Variants in STAT5A observed in about 807,000 individuals in gnomAD.
STAT5A encodes epididymis secretory sperm binding protein.
STAT5A carries 26 observed loss-of-function variants against 100.2 expected under a neutral mutation model. The ratio of observed to expected loss-of-function variants is 0.26; its 90% CI spans 0.19 to 0.36. The LOEUF is 0.36. Ranked by LOEUF, STAT5A falls within the 10% of genes least tolerant of loss-of-function variation. The pLI is 1.00. For missense variants in STAT5A, 634 were observed against 1,027.5 expected (o/e 0.62, Z 5.24); for synonymous variants, 330 against 424.3 (o/e 0.78, Z 2.73).
intron 3 of STAT5A, among the ~76,000 whole-genome samples, chr17:42,290,704 ACCTTGGCATCAGATGC>A (rs980159519): frequency 6.6e-6 from 1 of 152,158 alleles, no homozygotes; most frequent in Non-Finnish European, 1.5e-5. Flanking sequence ...AAGTACCTTG[ACCTTGGCATCAGATGC>A]CCTGAGTCTG....
chr17:42,311,617 A>C lies in STAT5A; in HGVS notation c.*948A>C, dbSNP rs1017873051. 1 of 152,666 alleles carries C rather than the reference A, an allele frequency of 6.6e-6. No individual in the cohort carries two copies. Among genetic ancestry groups the C allele is most frequent in the Non-Finnish European group, 1.5e-5 (1 of 68,298 alleles). The allele number at this position is 152,666 out of a possible 1,614,324, so 9.5% of individuals were successfully genotyped here. A position where few individuals can be genotyped will look rare whatever the true frequency, so the allele number is the denominator to read the frequency against. Reference sequence around the variant, plus strand: ...TGCAGTGAAAGACAAGCTGCAAATCAGCCATGTGCTGCGTGCCTGTGGAAT... The same window carrying C: ...TGCAGTGAAAGACAAGCTGCAAATCCGCCATGTGCTGCGTGCCTGTGGAAT... On this transcript the variant is annotated 3_prime_UTR_variant, in exon 19 of 19. Transcript: ENST00000590949.
intron 13 of STAT5A, among the ~76,000 whole-genome samples, chr17:42,306,748 C>A (rs966378796): frequency 1.3e-4 from 19 of 151,572 alleles, no homozygotes; most frequent in African/African-American, 4.1e-4. Flanking sequence ...GAGACAGAAT[C>A]TCATTCTGTC....
At chr17:42,306,908 T>G (rs1382745542) in intron 13 of STAT5A, among the ~76,000 whole-genome samples, 1 of 151,968 alleles carries the variant, frequency 6.6e-6, no homozygotes, top group South Asian at 2.1e-4. Flanking sequence ...TTAGTAGAGA[T>G]GGGGTTTCAC....
chr17:42,302,760 CCT>C (rs1392586755), intron 9 of STAT5A, among the ~76,000 whole-genome samples: 1 of 151,774 alleles, frequency 6.6e-6, no homozygotes, highest in East Asian at 1.9e-4. Flanking sequence ...ATGGTGAAAC[CCT>C]GTCTCTACTA....
chr17:42,305,814 C>T lies in STAT5A; in HGVS notation c.1473+112C>T, dbSNP rs188326879. 197 of 1,161,426 alleles carry T rather than the reference C, an allele frequency of 1.7e-4. 1 individual carries two copies. The highest frequency in any genetic ancestry group is 7.6e-4 in the Middle Eastern group (3 of 3,962). 71.9% of individuals were successfully genotyped at this position (1,161,426 alleles called of 1,614,324 possible). A position where few individuals can be genotyped will look rare whatever the true frequency, so the allele number is the denominator to read the frequency against. On this transcript the variant is annotated intron_variant, in intron 12 of 18. Transcript: ENST00000590949. ...TGGTCCTTCCTCACCCCAGGGCCAG[C>T]CCAGAGGTGAGGTGAGGCCAGAAGG...
In STAT5A at chr17:42,307,641, C is replaced by T. The variant is rs1399010135; in HGVS notation, c.1824C>T (p.Ile608=). The change falls in exon 15 of 19, where the codon ATC becomes ATT. Residue 608 remains isoleucine, a synonymous_variant. Transcript: ENST00000590949. Reference sequence around the variant, plus strand: ...AGCAACAGGCCCACGACCTGCTCATCAACAAGCCCGACGGGACCTTCTTGT... The same window carrying T: ...AGCAACAGGCCCACGACCTGCTCATTAACAAGCCCGACGGGACCTTCTTGT... The part of the protein sequence containing the change: ...VNKQQAHDLL[I]NKPDGTFLLR... 1.2e-6 allele frequency: 2 copies of T among 1,614,154 alleles called. No individual in the cohort carries two copies. Among genetic ancestry groups the T allele is most frequent in the Middle Eastern group, 1.6e-4 (1 of 6,062 alleles).
At chr17:42,298,362 T>C (rs2080940019) in intron 5 of STAT5A, among the ~76,000 whole-genome samples, 1 of 151,816 alleles carries the variant, frequency 6.6e-6, no homozygotes, top group Non-Finnish European at 1.5e-5. Context: ...GGTCTTGCCA[T>C]GTTGGCCAGG....
rs549988812 is a variant in STAT5A at position 42,299,943 on chromosome 17, G to A, written c.681+62G>A. 3.8e-5 allele frequency: 58 copies of A among 1,540,132 alleles called. No homozygotes were observed. In the African/African-American group the frequency reaches 6.3e-4, roughly 17 times the overall value. On this transcript the variant is annotated intron_variant, in intron 6 of 18. Transcript: ENST00000590949. The stretch of plus-strand genomic sequence containing the variant: ...CCATGAAGTCAGTCTCTGGGGACCC[G>A]AGGGAGGGCTGGGACCAGCATGAGA...
chr17:42,303,481 G>A (rs2081000407), intron 9 of STAT5A, among the ~76,000 whole-genome samples: 1 of 152,190 alleles, frequency 6.6e-6, no homozygotes, highest in Non-Finnish European at 1.5e-5. Context: ...AGGCTGAGGT[G>A]GAAGGATCGT....
At chr17:42,310,024 G>C (rs2081065318) in intron 18 of STAT5A, among the ~76,000 whole-genome samples, 1 of 152,242 alleles carries the variant, frequency 6.6e-6, no homozygotes, top group Non-Finnish European at 1.5e-5. Context: ...CCCAGAGCAA[G>C]CTTCCTGATA....
In STAT5A at chr17:42,304,437, C is replaced by T. The variant is rs368547432; in HGVS notation, c.1257+8C>T. The T allele has an allele frequency of 3.0e-5, 49 of 1,614,218 alleles. No individual in the cohort carries two copies. Among genetic ancestry groups the T allele is most frequent in the Middle Eastern group, 3.3e-4 (2 of 6,062 alleles). ...GCCCACTTCAGGAACATGGTGAGGA[C>T]GGGGCCCACCCTCGGAGGGCAGGTC... On this transcript the variant is annotated splice_region_variant and intron_variant, in intron 10 of 18. Coordinates refer to ENST00000590949, the MANE Select transcript of STAT5A (RefSeq NM_001288718.2). This position sits in a 1 kb window ranked among gnomAD's most constrained non-coding sequence, Gnocchi z 4.8.
chr17:42,294,162 G>A (rs2080897237), intron 4 of STAT5A, among the ~76,000 whole-genome samples: 1 of 151,832 alleles, frequency 6.6e-6, no homozygotes, highest in African/African-American at 2.4e-5. Context: ...GTTGCAGTGA[G>A]CTGAGATTGC....
chr17:42,308,733 CTT>C lies in STAT5A; in HGVS notation c.2063-313_2063-312del, dbSNP rs569232109. The stretch of plus-strand genomic sequence containing the variant: ...CAGGCAGCAAAAGGGAGAAGTCTCT[CTT>C]CTTCCAGCTGCCCCAAATCCATTGG... On this transcript the variant is annotated intron_variant, in intron 16 of 18. Transcript: ENST00000590949. This position sits in a 1 kb window ranked among gnomAD's most constrained non-coding sequence, Gnocchi z 4.6. 99 of 508,628 alleles carry C rather than the reference CTT, an allele frequency of 1.9e-4. No individual in the cohort carries two copies. Among genetic ancestry groups the C allele is most frequent in the African/African-American group, 1.5e-3 (76 of 52,026 alleles). 31.5% of individuals were successfully genotyped at this position (508,628 alleles called of 1,614,324 possible). A position where few individuals can be genotyped will look rare whatever the true frequency, so the allele number is the denominator to read the frequency against.
At chr17:42,305,536 A>T in intron 11 of STAT5A, 74 bp from the exon 12 acceptor site, 1 of 1,202,816 alleles carries the variant, frequency 8.3e-7, no homozygotes. Context: ...AATAAAGCAG[A>T]TTGGGCATGT....
In STAT5A at chr17:42,306,224, T is replaced by C. The variant is rs1341441829; in HGVS notation, c.1474-17T>C. The C allele has an allele frequency of 6.2e-7, 1 of 1,613,888 alleles. No individual in the cohort carries two copies. Among genetic ancestry groups the C allele is most frequent in the Non-Finnish European group, 8.5e-7 (1 of 1,179,906 alleles). ...CTCCCTCAATCTACCTTTTCCCCTC[T>C]CTTGTCTCCCTCTCAGGGCAGGGTG... On this transcript the variant is annotated splice_polypyrimidine_tract_variant and intron_variant, in intron 12 of 18. Transcript: ENST00000590949.
Position 42,308,630 on chromosome 17 carries a change from C to G in STAT5A, c.2062+297C>G. On this transcript the variant is annotated intron_variant, in intron 16 of 18. Transcript: ENST00000590949. This position sits in a 1 kb window ranked among gnomAD's most constrained non-coding sequence, Gnocchi z 4.6. ...TAGGGAGTGGCCGGGATCATTCGAG[C>G]CCACAGATAGTGCTCCGCTCCCCAC... is the stretch of plus-strand genomic sequence containing the variant. 2.0e-6 allele frequency: 1 copy of G among 509,224 alleles called. No individual in the cohort carries two copies. Among genetic ancestry groups the G allele is most frequent in the South Asian group, 2.2e-5 (1 of 45,042 alleles). The allele number at this position is 509,224 out of a possible 1,614,324, so 31.5% of individuals were successfully genotyped here.
intron 5 of STAT5A, among the ~76,000 whole-genome samples, chr17:42,298,214 A>C (rs1598358686): frequency 6.6e-6 from 1 of 151,216 alleles, no homozygotes; most frequent in South Asian, 2.1e-4. Flanking sequence ...CCTTGGCTGG[A>C]GTGCAGTGGT....
chr17:42,293,626 GC>G (rs753159187), intron 4 of STAT5A, among the ~76,000 whole-genome samples: 44 of 152,220 alleles, frequency 2.9e-4, no homozygotes, highest in Non-Finnish European at 3.8e-4. Context: ...CCTGGTTCTT[GC>G]CTGGAAGGAA....
Position 42,304,040 on chromosome 17 carries a change from T to G in STAT5A, c.1170-302T>G. On this transcript the variant is annotated intron_variant, in intron 9 of 18. Transcript: ENST00000590949. The surrounding 1 kb of genome is among the most constrained non-coding windows in gnomAD (Gnocchi z 4.8). ...GATCCTCAGAGACTGTGGTTGTGAT[T>G]TTTATCTTAAGTGCATTAGAAGCTA... The G allele has an allele frequency of 2.7e-6, 1 of 373,800 alleles. No homozygotes were observed. Among genetic ancestry groups the G allele is most frequent in the Non-Finnish European group, 5.0e-6 (1 of 200,380 alleles). 23.2% of individuals were successfully genotyped at this position (373,800 alleles called of 1,614,324 possible).
Sources: gnomAD v4.1 joint callset for allele counts (sites outside exome capture counted in the v4.1 genomes callset) on GRCh38, gnomAD v4.1.1 for gene constraint, Gnocchi (gnomAD v3.1) non-coding constraint, MANE v1.5 for transcripts, NCBI Gene and HGNC (gene_info 2026-07-23, HGNC 2026-07-21) for gene names.